RHBDD2: variants seen among roughly 807,000 people sequenced by gnomAD.
RHBDD2 encodes rhomboid domain-containing protein 2.
A neutral mutation model predicts 21.7 loss-of-function variants in RHBDD2; 13 were observed. The observed-to-expected ratio is 0.60, with a 90% CI of 0.39 to 0.95. The LOEUF is 0.95. RHBDD2 is among the 40% of genes least tolerant of loss of function. The pLI, the probability that RHBDD2 is intolerant of heterozygous loss-of-function variation, is 0.00. For missense variants in RHBDD2, 473 were observed against 478.9 expected (o/e 0.99, Z 0.11); for synonymous variants, 225 against 220.0 (o/e 1.02, Z -0.20).
chr7:75,882,271 A>G (rs543049617), intron 2 of RHBDD2, 35 bp downstream of exon 2: 3 of 1,554,620 alleles, frequency 1.9e-6, no homozygotes, highest in South Asian at 2.4e-5. Flanking sequence ...AGAACAACGC[A>G]TGTCAAAGGG....
intron 3 of RHBDD2, among the ~76,000 whole-genome samples, chr7:75,886,014 G>A (rs150165392): frequency 1.5e-3 from 231 of 152,242 alleles, no homozygotes; most frequent in African/African-American, 5.1e-3. Flanking sequence ...TTATAGGCGC[G>A]TGCCACTATA....
intron 1 of RHBDD2, among the ~76,000 whole-genome samples, chr7:75,879,634 G>C (rs1805201759): frequency 6.6e-6 from 1 of 152,110 alleles, no homozygotes. Context: ...ACCTACGTCT[G>C]CTTTAGGCCT....
chr7:75,883,635 C>T (rs1410789150), intron 2 of RHBDD2, 63 bp from the exon 3 acceptor site: 2 of 1,460,348 alleles, frequency 1.4e-6, no homozygotes, highest in Non-Finnish European at 1.9e-6. Flanking sequence ...TGTGTTCTCC[C>T]CGGGGAGTGT....
Position 75,888,679 on chromosome 7 carries a change from C to G in RHBDD2, c.*330C>G, listed in dbSNP as rs892535488. 2.7e-5 allele frequency: 9 copies of G among 336,754 alleles called. No individual in the cohort carries two copies. The highest frequency in any genetic ancestry group is 4.4e-5 in the Admixed American group (1 of 22,568). The allele number at this position is 336,754 out of a possible 1,614,324, so 20.9% of individuals were successfully genotyped here. A position where few individuals can be genotyped will look rare whatever the true frequency, so the allele number is the denominator to read the frequency against. ...CTGCCGATGTCTGTCCCCAGCTCCACCATTCCTCCCTGTGGCTGTGCCGTG... is the reference window on the plus strand; with the variant it reads ...CTGCCGATGTCTGTCCCCAGCTCCAGCATTCCTCCCTGTGGCTGTGCCGTG... On this transcript the variant is annotated 3_prime_UTR_variant, in exon 4 of 4. Transcript: ENST00000006777.
intron 1 of RHBDD2, chr7:75,881,288 C>A: frequency 2.5e-6 from 3 of 1,192,164 alleles, no homozygotes; most frequent in South Asian, 1.3e-5. Flanking sequence ...TTTCTATAAT[C>A]TTTATTGTTA....
chr7:75,887,833 T>C (rs543401698), intron 3 of RHBDD2, among the ~76,000 whole-genome samples, 159 bp from the exon 4 acceptor site: 24 of 151,952 alleles, frequency 1.6e-4, no homozygotes, highest in African/African-American at 4.6e-4. Flanking sequence ...TGTGGTCTGA[T>C]TGGTTGAGGT....
intron 3 of RHBDD2, among the ~76,000 whole-genome samples, chr7:75,887,626 A>G (rs1805758630): frequency 6.6e-6 from 1 of 151,980 alleles, no homozygotes; most frequent in Admixed American, 6.6e-5. Flanking sequence ...GCCCAGCCTG[A>G]ATCCGTTCTC....
Position 75,888,723 on chromosome 7 carries a change from G to A in RHBDD2, c.*374G>A, listed in dbSNP as rs76316405. 549 of 251,754 alleles carry A rather than the reference G, an allele frequency of 2.2e-3. 3 individuals are homozygous for A. Among genetic ancestry groups the A allele is most frequent in the African/African-American group, 0.011 (507 of 44,972 alleles). The allele number at this position is 251,754 out of a possible 1,614,324, so 15.6% of individuals were successfully genotyped here. A position where few individuals can be genotyped will look rare whatever the true frequency, so the allele number is the denominator to read the frequency against. ...TGCCGTGCTCGTGGTTTCAGTGTCC[G>A]TGTGTCCATGTGTCTGCCCTTCAGG... On this transcript the variant is annotated 3_prime_UTR_variant, in exon 4 of 4. Coordinates refer to ENST00000006777, the MANE Select transcript of RHBDD2 (RefSeq NM_001040456.3).
Position 75,882,120 on chromosome 7 carries a change from T to G in RHBDD2, c.470T>G (p.Val157Gly), listed in dbSNP as rs1585056204. 6.2e-7 allele frequency: 1 copy of G among 1,614,076 alleles called. No homozygotes were observed. Among genetic ancestry groups the G allele is most frequent in the Non-Finnish European group, 8.5e-7 (1 of 1,179,996 alleles). ...TVRSRMRRALVFGMVVPSVLV... is the reference protein window; with the variant it reads ...TVRSRMRRALGFGMVVPSVLV... ...CGTTCTCGGATGAGGCGGGCCCTGG[T>G]GTTTGGCATGGTTGTGCCCTCAGTC... The change falls in exon 2 of 4, where the codon GTG (valine) becomes GGG (glycine). Residue 157 changes from valine to glycine, a missense_variant. Coordinates refer to ENST00000006777, the MANE Select transcript of RHBDD2 (RefSeq NM_001040456.3).
At chr7:75,886,967 A>AT (rs1277139875) in intron 3 of RHBDD2, among the ~76,000 whole-genome samples, 2 of 152,044 alleles carry the variant, frequency 1.3e-5, no homozygotes, top group Non-Finnish European at 2.9e-5. Context: ...CCCACGTGAC[A>AT]TGGAGTCCAG....
At position 75,879,075 on chromosome 7, in the gene RHBDD2, C is replaced by T. The variant is rs1203971365; in HGVS notation, c.-8C>T. 3.7e-6 allele frequency: 5 copies of T among 1,362,864 alleles called. No individual in the cohort carries two copies. Among genetic ancestry groups the T allele is most frequent in the Admixed American group, 3.8e-5 (1 of 26,082 alleles). The allele number at this position is 1,362,864 out of a possible 1,614,324, so 84.4% of individuals were successfully genotyped here. A position where few individuals can be genotyped will look rare whatever the true frequency, so the allele number is the denominator to read the frequency against. On this transcript the variant is annotated 5_prime_UTR_variant, in exon 1 of 4. It adds an upstream start codon to the 5' untranslated region. Transcript: ENST00000006777. Reference sequence around the variant, plus strand: ...GCGTCGAGGCGGGGCGCGGGAACGACGGCGGCCATGGCGGCCTCGGGGCCC... The same window carrying T: ...GCGTCGAGGCGGGGCGCGGGAACGATGGCGGCCATGGCGGCCTCGGGGCCC...
chr7:75,880,883 A>C (rs555946785), intron 1 of RHBDD2, among the ~76,000 whole-genome samples: 4 of 152,070 alleles, frequency 2.6e-5, no homozygotes, highest in Admixed American at 2.6e-4. Context: ...ACATCATCAC[A>C]CCTGACTAAT....
In RHBDD2 at chr7:75,882,253, A is replaced by G; in HGVS notation, c.586+17A>G. 1 of 1,592,030 alleles carries G rather than the reference A, an allele frequency of 6.3e-7. No individual in the cohort carries two copies. The highest frequency in any genetic ancestry group is 8.6e-7 in the Non-Finnish European group (1 of 1,167,764). Reference sequence around the variant, plus strand: ...GGCTGGCCTGTATCCTTCCTAGCAGAGAGCTATAGAACAACGCATGTCAAA... The same window carrying G: ...GGCTGGCCTGTATCCTTCCTAGCAGGGAGCTATAGAACAACGCATGTCAAA... On this transcript the variant is annotated intron_variant, in intron 2 of 3. Transcript: ENST00000006777.
rs537552852 is a variant in RHBDD2, at chr7:75,888,068, A to G, written c.814A>G (p.Thr272Ala). Residue 272 changes from threonine to alanine, a missense_variant, in exon 4 of 4, where the codon ACG becomes GCG. Coordinates refer to ENST00000006777, the MANE Select transcript of RHBDD2 (RefSeq NM_001040456.3). ...HLSPSHPVSQ[T>A]QHASGQKLAS... ...GTCCCCAAGCCACCCTGTGTCCCAGACGCAGCACGCCAGTGGTCAGAAGCT... is the reference window on the plus strand; with the variant it reads ...GTCCCCAAGCCACCCTGTGTCCCAGGCGCAGCACGCCAGTGGTCAGAAGCT... The G allele has an allele frequency of 6.2e-6, 10 of 1,613,754 alleles. No individual in the cohort carries two copies. The Middle Eastern group carries it at 8.2e-4, about 133-fold the overall frequency.
At chr7:75,880,024 C>G (rs1478758544) in intron 1 of RHBDD2, among the ~76,000 whole-genome samples, 3 of 152,178 alleles carry the variant, frequency 2.0e-5, no homozygotes, top group African/African-American at 7.2e-5. Context: ...TTAACCCTCA[C>G]AAGGATCCCA....
At position 75,882,051 on chromosome 7, in the gene RHBDD2, G is replaced by C; in HGVS notation, c.401G>C (p.Gly134Ala). ...SKLGEVEDARGFTPVAFAMLG... is the reference protein window; with the variant it reads ...SKLGEVEDARAFTPVAFAMLG... ...CTGGGGGAAGTGGAGGATGCCAGAG[G>C]TTTCACCCCAGTGGCCTTTGCCATG... Residue 134 changes from glycine to alanine, a missense_variant, in exon 2 of 4, where the codon GGT becomes GCT. By Grantham distance (60) the Gly-to-Ala change is moderately conservative. Transcript: ENST00000006777. The C allele has an allele frequency of 6.2e-7, 1 of 1,614,192 alleles. No individual in the cohort carries two copies. Among genetic ancestry groups the C allele is most frequent in the Non-Finnish European group, 8.5e-7 (1 of 1,180,040 alleles).
chr7:75,885,740 C>G (rs1303489006), intron 3 of RHBDD2, among the ~76,000 whole-genome samples: 1 of 152,116 alleles, frequency 6.6e-6, no homozygotes, highest in African/African-American at 2.4e-5. Context: ...AAACACCCAG[C>G]TCTTACCTAA....
intron 1 of RHBDD2, among the ~76,000 whole-genome samples, chr7:75,880,564 C>T (rs781810255): frequency 2.6e-5 from 4 of 152,106 alleles, no homozygotes; most frequent in African/African-American, 9.7e-5. Flanking sequence ...CCTAGAGGAC[C>T]TGTGACATGA....
intron 2 of RHBDD2, among the ~76,000 whole-genome samples, chr7:75,882,958 G>C (rs1328602241): frequency 6.6e-6 from 1 of 152,186 alleles, no homozygotes; most frequent in Admixed American, 6.5e-5. Flanking sequence ...AGCACAGCCA[G>C]AGAGGCCCAC....
Sources: gnomAD v4.1 joint callset for allele counts (sites outside exome capture counted in the v4.1 genomes callset) on GRCh38, gnomAD v4.1.1 for gene constraint, MANE v1.5 for transcripts, NCBI Gene and HGNC (gene_info 2026-07-23, HGNC 2026-07-21) for gene names.